The following HFM1 variants were observed in gnomAD, a reference collection of about 807,000 sequenced individuals.
HFM1 encodes the protein helicase for meiosis 1, also known as probable ATP-dependent DNA helicase HFM1.
In HFM1, 169 loss-of-function variants were observed where a neutral mutation model predicts 192.1. The observed-to-expected ratio is 0.88, with a 90% CI of 0.78 to 1.00. HFM1 has a LOEUF of 1.00. HFM1 is among the 50% of genes least tolerant of loss of function. The probability of loss-of-function intolerance (pLI) is 0.00; values close to 1 mark genes in which losing one functional copy is unlikely to be tolerated. For missense variants in HFM1, 1,661 were observed against 1,668.0 expected (o/e 1.00, Z 0.07); for synonymous variants, 525 against 537.8 (o/e 0.98, Z 0.33).
At chr1:91,355,859 C>T (rs1477193624) in intron 13 of HFM1, among the ~76,000 whole-genome samples, 1 of 152,120 alleles carries the variant, frequency 6.6e-6, no homozygotes, top group Non-Finnish European at 1.5e-5. Context: ...TACTTTGAGT[C>T]AAATGGACCT....
intron 6 of HFM1, among the ~76,000 whole-genome samples, chr1:91,381,551 A>G (rs982350168): frequency 1.3e-5 from 2 of 152,220 alleles, no homozygotes; most frequent in Non-Finnish European, 2.9e-5. Flanking sequence ...CCCCTGTAAG[A>G]AAGTTCAAAA....
chr1:91,350,605 T>C, intron 18 of HFM1, 133 bp downstream of exon 18: 1 of 701,440 alleles, frequency 1.4e-6, no homozygotes, highest in Non-Finnish European at 2.3e-6. Flanking sequence ...TCTAAATGTA[T>C]TTGGGACTGT....
intron 30 of HFM1, among the ~76,000 whole-genome samples, chr1:91,295,662 T>C (rs919339248): frequency 2.6e-5 from 4 of 152,204 alleles, no homozygotes; most frequent in South Asian, 4.1e-4. Context: ...TCCATTTTTT[T>C]CCTCACATTC....
At position 91,274,739 on chromosome 1, in the gene HFM1, CT is replaced by C; in HGVS notation, c.3658del (p.Ser1220ValfsTer8). 1 of 1,498,808 alleles carries C rather than the reference CT, an allele frequency of 6.7e-7. No homozygotes were observed. The highest frequency in any genetic ancestry group is 9.3e-7 in the Non-Finnish European group (1 of 1,077,632). 92.8% of individuals were successfully genotyped at this position (1,498,808 alleles called of 1,614,324 possible). A position where few individuals can be genotyped will look rare whatever the true frequency, so the allele number is the denominator to read the frequency against. On this transcript the variant is annotated frameshift_variant, in exon 33 of 39. Transcript: ENST00000370425. LOFTEE classifies it high-confidence loss of function. The part of the protein sequence containing the change: ...FGFTPKPSLP[S>X]ISRSEYLNIS... Reference sequence around the variant, plus strand: ...AACATTATATTTGTACCTTGATATACTAGGAAGGGAAGGTTTTGGAGTAAAA... The same window carrying C: ...AACATTATATTTGTACCTTGATATACAGGAAGGGAAGGTTTTGGAGTAAAA...
At position 91,385,225 on chromosome 1, in the gene HFM1, T is replaced by G. The variant is rs1342647530; in HGVS notation, c.764A>C (p.Glu255Ala). The G allele has an allele frequency of 1.3e-6, 2 of 1,557,794 alleles. No homozygotes were observed. The highest frequency in any genetic ancestry group is 1.4e-5 in the African/African-American group (1 of 73,340). Residue 255 changes from glutamate (E) to alanine (A), a missense_variant, in exon 6 of 39, where the codon GAA (glutamate) becomes GCA (alanine). Glu to Ala is a moderately radical substitution (Grantham distance 107). Transcript: ENST00000370425. ...FQPHDIQEVTENGLGSLKAVT... is the reference protein window; with the variant it reads ...FQPHDIQEVTANGLGSLKAVT... ...AGCCTTCAAGGAACCTAAACCATTT[T>G]CTGTTACCTCTGAAAAAAAAATGCT...
chr1:91,277,091 T>C, intron 30 of HFM1, 29 bp from the exon 31 acceptor site: 4 of 1,169,342 alleles, frequency 3.4e-6, no homozygotes, highest in Non-Finnish European at 5.0e-6. Context: ...AACAAATCCA[T>C]TTGTCACTAC....
chr1:91,349,939 T>C (rs532585902), intron 18 of HFM1, among the ~76,000 whole-genome samples: 4 of 152,200 alleles, frequency 2.6e-5, no homozygotes, highest in Non-Finnish European at 4.4e-5. Context: ...AAAAAAGATA[T>C]ACCAATGATT....
intron 20 of HFM1, chr1:91,329,639 GACC>G (rs1653504717): frequency 2.9e-6 from 2 of 699,476 alleles, no homozygotes; most frequent in Non-Finnish European, 4.7e-6. Flanking sequence ...TTTCTAGCGT[GACC>G]CTTTTCAGTA....
intron 30 of HFM1, among the ~76,000 whole-genome samples, chr1:91,304,633 A>ATT (rs58215219): frequency 7.1e-6 from 1 of 140,694 alleles, no homozygotes; most frequent in Admixed American, 7.1e-5. Flanking sequence ...CAGCCGGCTA[A>ATT]TTTTTTTTTT....
chr1:91,313,368 T>G lies in HFM1; in HGVS notation c.3372A>C (p.Thr1124=). The G allele has an allele frequency of 1.9e-6, 3 of 1,579,068 alleles. No individual in the cohort carries two copies. Among genetic ancestry groups the G allele is most frequent in the Non-Finnish European group, 2.6e-6 (3 of 1,155,956 alleles). The change falls in exon 30 of 39, where the codon ACA becomes ACC. Residue 1124 remains threonine, a synonymous_variant. Transcript: ENST00000370425. ...ATTTACCTTTATTAGGTCCTGCTAT[T>G]GTAGATATGTCTGAATGTTTAGAAT... ...ISHSKHSDIS[T]IAGPNKGTTA...
intron 28 of HFM1, 52 bp from the exon 29 acceptor site, chr1:91,314,112 A>G (rs762343329): frequency 9.1e-7 from 1 of 1,100,932 alleles, no homozygotes; most frequent in South Asian, 1.4e-5. Context: ...TGAAATACAT[A>G]TTAATCTTGA....
At chr1:91,276,581 T>A in intron 32 of HFM1, 47 bp downstream of exon 32, 1 of 880,890 alleles carries the variant, frequency 1.1e-6, no homozygotes, top group South Asian at 1.7e-5. Flanking sequence ...AGAATATTTA[T>A]ATACGTTTAA....
At position 91,385,208 on chromosome 1, in the gene HFM1, A is replaced by G; in HGVS notation, c.781T>C (p.Leu261=). Residue 261 remains leucine (L), a synonymous_variant, in exon 6 of 39, where the codon TTG becomes CTG. Transcript: ENST00000370425. ...QEVTENGLGS[L]KAVTEIPAKF... Reference sequence around the variant, plus strand: ...ATACGAATTTCTGTGACAGCCTTCAAGGAACCTAAACCATTTTCTGTTACC... The same window carrying G: ...ATACGAATTTCTGTGACAGCCTTCAGGGAACCTAAACCATTTTCTGTTACC... 1 of 1,568,424 alleles carries G rather than the reference A, an allele frequency of 6.4e-7. No homozygotes were observed. Among genetic ancestry groups the G allele is most frequent in the Non-Finnish European group, 8.7e-7 (1 of 1,143,798 alleles).
chr1:91,355,220 GATGAGAAAGAGAAAGGA>G (rs1657554932), intron 13 of HFM1, among the ~76,000 whole-genome samples: 1 of 152,056 alleles, frequency 6.6e-6, no homozygotes, highest in Non-Finnish European at 1.5e-5. Context: ...AGAAGATACA[GATGAGAAAGAGAAAGGA>G]ATCAAAGCTT....
chr1:91,285,338 T>C (rs1469086126), intron 30 of HFM1, among the ~76,000 whole-genome samples: 1 of 152,190 alleles, frequency 6.6e-6, no homozygotes, highest in Non-Finnish European at 1.5e-5. Context: ...TATACAAAAT[T>C]GAAACATTTG....
At chr1:91,391,960 A>C (rs1183981971) in intron 4 of HFM1, among the ~76,000 whole-genome samples, 1 of 152,270 alleles carries the variant, frequency 6.6e-6, no homozygotes, top group Non-Finnish European at 1.5e-5. Context: ...GATTCTCAAA[A>C]GAAGACATTT....
At chr1:91,359,065 C>A (rs561708763) in intron 13 of HFM1, among the ~76,000 whole-genome samples, 5 of 152,196 alleles carry the variant, frequency 3.3e-5, no homozygotes, top group Admixed American at 6.5e-5. Context: ...GAAAACACCA[C>A]CACCAACAAC....
chr1:91,329,419 G>A, intron 20 of HFM1: 1 of 1,574,098 alleles, frequency 6.4e-7, no homozygotes, highest in Non-Finnish European at 8.6e-7. Flanking sequence ...AAGGTGACTG[G>A]CTCACTCTCT....
intron 36 of HFM1, among the ~76,000 whole-genome samples, chr1:91,264,497 C>A: frequency 6.8e-6 from 1 of 146,294 alleles, no homozygotes; most frequent in Non-Finnish European, 1.5e-5. Context: ...CTCAGCCTCC[C>A]GAGTAGCTGG....
Sources: allele counts gnomAD v4.1 joint callset (sites outside exome capture counted in the v4.1 genomes callset), GRCh38; gene constraint gnomAD v4.1.1; transcripts MANE v1.5; gene names NCBI Gene and HGNC (gene_info 2026-07-23, HGNC 2026-07-21).